POU6F2: variants seen among roughly 807,000 people sequenced by gnomAD.
The protein encoded by POU6F2 is POU class 6 homeobox 2, also known as POU domain, class 6, transcription factor 2.
In POU6F2, 31 loss-of-function variants were observed where a neutral mutation model predicts 71.3. That is an observed-to-expected ratio of 0.43 (90% confidence interval 0.33 to 0.59). POU6F2 has a LOEUF of 0.59. Among genes scored for constraint, POU6F2 ranks in the 20% least tolerant of loss-of-function variants. The probability of loss-of-function intolerance (pLI) is 0.04; values close to 1 mark genes in which losing one functional copy is unlikely to be tolerated. For synonymous variants in POU6F2, 347 were observed against 355.7 expected, an observed-to-expected ratio of 0.98 and a Z score of 0.27; for missense variants, 783 against 856.8, an observed-to-expected ratio of 0.91 and a Z score of 1.07.
intron 2 of POU6F2, among the ~76,000 whole-genome samples, chr7:39,173,253 A>G (rs143549721): frequency 3.9e-4 from 60 of 152,294 alleles, no homozygotes; most frequent in Non-Finnish European, 7.6e-4. Flanking sequence ...AGCTGCTGCT[A>G]CTACTTGGGA....
intron 4 of POU6F2, among the ~76,000 whole-genome samples, chr7:39,302,092 A>G (rs1340871872): frequency 6.6e-6 from 1 of 152,198 alleles, no homozygotes. Flanking sequence ...CAATTTCTCC[A>G]GTCTATAGTT....
intron 2 of POU6F2, among the ~76,000 whole-genome samples, chr7:39,088,278 A>T (rs1169000784): frequency 6.6e-6 from 1 of 151,736 alleles, no homozygotes; most frequent in Non-Finnish European, 1.5e-5. Flanking sequence ...AGACACTCTA[A>T]TATTCTCATA....
intron 1 of POU6F2, among the ~76,000 whole-genome samples, chr7:39,016,248 A>G (rs1258437560): frequency 3.4e-5 from 5 of 146,446 alleles, no homozygotes; most frequent in East Asian, 2.0e-4. Flanking sequence ...CTGATTATCT[A>G]TATAGAAAAT....
chr7:39,181,958 C>A (rs1411271408), intron 2 of POU6F2, among the ~76,000 whole-genome samples: 1 of 152,184 alleles, frequency 6.6e-6, no homozygotes, highest in Admixed American at 6.5e-5. Flanking sequence ...ATATTTTTAA[C>A]CTTTCTCTCT....
chr7:39,066,902 TATA>T (rs1245513210), intron 1 of POU6F2, among the ~76,000 whole-genome samples: 7 of 147,954 alleles, frequency 4.7e-5, no homozygotes, highest in African/African-American at 7.3e-5. Flanking sequence ...TTATATAATA[TATA>T]ATATCATATT....
chr7:39,198,537 A>G (rs1222333362), intron 2 of POU6F2, among the ~76,000 whole-genome samples: 3 of 152,232 alleles, frequency 2.0e-5, no homozygotes, highest in Non-Finnish European at 4.4e-5. Flanking sequence ...TATTAATGTA[A>G]TCAGACAGTC....
At chr7:39,029,245 A>G (rs927632366) in intron 1 of POU6F2, among the ~76,000 whole-genome samples, 2 of 152,180 alleles carry the variant, frequency 1.3e-5, no homozygotes, top group Non-Finnish European at 2.9e-5. Context: ...CCATCTTGCC[A>G]AACTTTCTAG....
chr7:39,362,864 C>G (rs1291369760), intron 5 of POU6F2, among the ~76,000 whole-genome samples: 1 of 151,968 alleles, frequency 6.6e-6, no homozygotes, highest in Non-Finnish European at 1.5e-5. Flanking sequence ...GATGGAAAGC[C>G]CTAAGACAGG....
At chr7:39,398,493 C>G (rs1276395713) in intron 5 of POU6F2, among the ~76,000 whole-genome samples, 1 of 149,680 alleles carries the variant, frequency 6.7e-6, no homozygotes, top group Non-Finnish European at 1.5e-5. Flanking sequence ...CACCCTCCCA[C>G]TTTGGACTAT....
At chr7:39,353,585 A>C (rs1384383716) in intron 5 of POU6F2, among the ~76,000 whole-genome samples, 1 of 152,174 alleles carries the variant, frequency 6.6e-6, no homozygotes, top group African/African-American at 2.4e-5. Context: ...AGTTTGGGCA[A>C]ATCAGTGGAA....
chr7:39,262,231 G>T (rs1784149700), intron 4 of POU6F2, among the ~76,000 whole-genome samples: 1 of 152,144 alleles, frequency 6.6e-6, no homozygotes, highest in Non-Finnish European at 1.5e-5. Context: ...AGACCTTGGT[G>T]GGACATCAAG....
At chr7:39,086,429 CATTAT>C (rs1791247213) in intron 2 of POU6F2, among the ~76,000 whole-genome samples, 1 of 152,094 alleles carries the variant, frequency 6.6e-6, no homozygotes, top group African/African-American at 2.4e-5. Flanking sequence ...TGAGTAAAGA[CATTAT>C]CTATCGTCTA....
chr7:39,333,353 C>G (rs1161280954), intron 4 of POU6F2, among the ~76,000 whole-genome samples: 3 of 152,142 alleles, frequency 2.0e-5, no homozygotes, highest in Non-Finnish European at 4.4e-5. Flanking sequence ...CTAAAGAACA[C>G]TGGGTGATTT....
intron 1 of POU6F2, among the ~76,000 whole-genome samples, chr7:38,995,960 G>A (rs1385527452): frequency 1.3e-5 from 2 of 150,788 alleles, no homozygotes; most frequent in Non-Finnish European, 2.9e-5. Flanking sequence ...AGAAATGGAA[G>A]TGCTCATCCA....
chr7:39,065,912 A>T (rs1790744863), intron 1 of POU6F2, among the ~76,000 whole-genome samples: 1 of 151,758 alleles, frequency 6.6e-6, no homozygotes, highest in African/African-American at 2.4e-5. Flanking sequence ...TTCCAGAGAT[A>T]AAAAAATATT....
At chr7:39,429,793 C>T (rs1037714515) in intron 6 of POU6F2, among the ~76,000 whole-genome samples, 6 of 152,250 alleles carry the variant, frequency 3.9e-5, no homozygotes, top group Admixed American at 3.9e-4. Context: ...CCTTCATTCT[C>T]AAAGAAGAGA....
chr7:39,194,668 C>A (rs1021921164), intron 2 of POU6F2, among the ~76,000 whole-genome samples: 2 of 137,476 alleles, frequency 1.5e-5, no homozygotes, highest in Non-Finnish European at 3.2e-5. Flanking sequence ...GCAGTGGTAA[C>A]CCACTCCGGT....
intron 4 of POU6F2, among the ~76,000 whole-genome samples, chr7:39,320,823 G>T (rs2128768902): frequency 1.3e-5 from 2 of 152,306 alleles, no homozygotes; most frequent in East Asian, 3.9e-4. Flanking sequence ...GGGAGGCTAA[G>T]GTGGGAAGAT....
At chr7:39,366,406 C>G (rs1285524151) in intron 5 of POU6F2, among the ~76,000 whole-genome samples, 1 of 152,104 alleles carries the variant, frequency 6.6e-6, no homozygotes, top group Non-Finnish European at 1.5e-5. Flanking sequence ...AGTCATAATT[C>G]CACAAGGCAT....
Sources: gnomAD v4.1 joint callset for allele counts (sites outside exome capture counted in the v4.1 genomes callset) on GRCh38, gnomAD v4.1.1 for gene constraint, MANE v1.5 for transcripts, NCBI Gene and HGNC (gene_info 2026-07-23, HGNC 2026-07-21) for gene names.